The following CBFA2T3 variants were observed in gnomAD, a reference collection of about 807,000 sequenced individuals.
The protein encoded by CBFA2T3 is CBFA2/RUNX1 partner transcriptional co-repressor 3.
In CBFA2T3, 31 loss-of-function variants were observed where a neutral mutation model predicts 58.6. That is an observed-to-expected ratio of 0.53 (90% CI 0.40 to 0.71). CBFA2T3 has a LOEUF of 0.71. Ranked by LOEUF, CBFA2T3 falls within the 30% of genes least tolerant of loss-of-function variation. The pLI is 0.00. For synonymous variants in CBFA2T3, 531 were observed against 421.9 expected, an observed-to-expected ratio of 1.26 and a Z score of -3.17; for missense variants, 1,076 against 963.1, an observed-to-expected ratio of 1.12 and a Z score of -1.55.
At chr16:88,889,415 G>C (rs1394771530) in intron 5 of CBFA2T3, among the ~76,000 whole-genome samples, 1 of 138,710 alleles carries the variant, frequency 7.2e-6, no homozygotes, top group Non-Finnish European at 1.6e-5. Flanking sequence ...GCGGGAGGGA[G>C]GGAGCGAGGG....
At position 88,953,163 on chromosome 16, in the gene CBFA2T3, C is replaced by T. The variant is rs150871064; in HGVS notation, c.151+23494G>A. Among the ~76,000 whole-genome samples the T allele has an allele frequency of 7.2e-5, 11 of 152,168 alleles. No homozygotes were observed. Among genetic ancestry groups the T allele is most frequent in the South Asian group, 2.1e-4 (1 of 4,822 alleles). ...ACAGAGGAGGAGGAATGAGGAGTGC[C>T]GTGCCTGGGCTGGGCCATCGCCTCT... is the stretch of plus-strand genomic sequence containing the variant. On this transcript the variant is annotated intron_variant, in intron 1 of 11. Coordinates refer to ENST00000268679, the MANE Select transcript of CBFA2T3 (RefSeq NM_005187.6). The surrounding 1 kb of genome is among the most constrained non-coding windows in gnomAD (Gnocchi z 4.9).
intron 1 of CBFA2T3, among the ~76,000 whole-genome samples, chr16:88,943,909 G>A (rs1345262503): frequency 1.3e-5 from 2 of 152,186 alleles, no homozygotes; most frequent in Non-Finnish European, 2.9e-5. Flanking sequence ...GACAGACCAC[G>A]GGCGAGCAGG....
intron 1 of CBFA2T3, among the ~76,000 whole-genome samples, chr16:88,973,893 C>T (rs114487230): frequency 2.8e-5 from 4 of 140,374 alleles, no homozygotes; most frequent in East Asian, 2.2e-4. Context: ...CCGCCTTGCC[C>T]GGTCCCCATA....
At chr16:88,903,969 G>A (rs1290824569) in intron 1 of CBFA2T3, among the ~76,000 whole-genome samples, 2 of 152,240 alleles carry the variant, frequency 1.3e-5, no homozygotes, top group African/African-American at 4.8e-5. Context: ...GGCGCTGGAC[G>A]GGCGCTCGTA....
chr16:88,922,925 A>C (rs1485504118), intron 1 of CBFA2T3, among the ~76,000 whole-genome samples: 1 of 152,210 alleles, frequency 6.6e-6, no homozygotes, highest in Non-Finnish European at 1.5e-5. Flanking sequence ...CCCACCGTAC[A>C]GATGGGGCAG....
intron 2 of CBFA2T3, among the ~76,000 whole-genome samples, chr16:88,900,842 C>A (rs1299382652): frequency 6.6e-6 from 1 of 152,266 alleles, no homozygotes; most frequent in Non-Finnish European, 1.5e-5. Flanking sequence ...CACAGCCTCC[C>A]AGGGCCCACC....
chr16:88,886,281 C>T, intron 5 of CBFA2T3, 139 bp from the exon 6 acceptor site: 1 of 513,302 alleles, frequency 1.9e-6, no homozygotes, highest in Non-Finnish European at 3.3e-6. Context: ...CTCGACCTCT[C>T]TGGGCCTCAA....
chr16:88,895,194 C>T (rs1446167898), intron 3 of CBFA2T3, among the ~76,000 whole-genome samples: 2 of 152,214 alleles, frequency 1.3e-5, no homozygotes, highest in Non-Finnish European at 2.9e-5. Context: ...CCGCACCCTC[C>T]AGAGGGCACT....
chr16:88,898,176 C>G, intron 2 of CBFA2T3, 24 bp from the exon 3 acceptor site: 1 of 1,588,388 alleles, frequency 6.3e-7, no homozygotes, highest in Non-Finnish European at 8.6e-7. Flanking sequence ...AAGAAGAACA[C>G]GCTGTCAGGA....
intron 1 of CBFA2T3, among the ~76,000 whole-genome samples, chr16:88,935,278 G>C (rs1971461136): frequency 6.6e-6 from 1 of 152,192 alleles, no homozygotes. Flanking sequence ...GTACAGGCTG[G>C]GCTGGACTAG....
chr16:88,888,648 T>C (rs1438872376), intron 5 of CBFA2T3, among the ~76,000 whole-genome samples: 1 of 99,614 alleles, frequency 1.0e-5, no homozygotes, highest in Non-Finnish European at 2.2e-5. Context: ...ACAGTGACAG[T>C]AGGGCCAGGG....
At chr16:88,903,684 G>A (rs1452419213) in intron 1 of CBFA2T3, among the ~76,000 whole-genome samples, 1 of 106,820 alleles carries the variant, frequency 9.4e-6, no homozygotes, top group African/African-American at 3.8e-5. Context: ...TCCTGGGGGG[G>A]CATTCCTGGG....
chr16:88,889,765 CTCCTCCTCCAGGGACGACGCCACGCGAT>C (rs1969548835), intron 5 of CBFA2T3, among the ~76,000 whole-genome samples: 1 of 149,370 alleles, frequency 6.7e-6, no homozygotes, highest in Admixed American at 6.7e-5. Flanking sequence ...CCCGCGATTC[CTCCTCCTCCAGGGACGACGCCACGCGAT>C]TCCTCCTCCT....
intron 1 of CBFA2T3, among the ~76,000 whole-genome samples, chr16:88,931,013 T>C (rs921409085): frequency 2.0e-5 from 3 of 151,946 alleles, no homozygotes; most frequent in African/African-American, 4.8e-5. Flanking sequence ...ATAAACGTTA[T>C]GTGTATTTTC....
intron 5 of CBFA2T3, among the ~76,000 whole-genome samples, chr16:88,890,795 C>A (rs1250105486): frequency 1.3e-5 from 2 of 152,192 alleles, no homozygotes; most frequent in Non-Finnish European, 2.9e-5. Context: ...CAGCTCACTG[C>A]AGTCTCGACC....
At chr16:88,896,167 G>A (rs368207665) in intron 3 of CBFA2T3, among the ~76,000 whole-genome samples, 28 of 152,262 alleles carry the variant, frequency 1.8e-4, no homozygotes, top group East Asian at 1.5e-3. Flanking sequence ...ACCACTAATC[G>A]CAGGTCAGAT....
At chr16:88,956,968 CACCCGGAG>C (rs879540143) in intron 1 of CBFA2T3, among the ~76,000 whole-genome samples, 4,283 of 150,926 alleles carry the variant, frequency 0.028, 91 homozygotes, top group African/African-American at 0.055. Flanking sequence ...AGAAGTGGCT[CACCCGGAG>C]ACTGCGGCAG....
chr16:88,936,644 G>A (rs999529785), intron 1 of CBFA2T3: 1 of 152,508 alleles, frequency 6.6e-6, no homozygotes, highest in Non-Finnish European at 1.5e-5. Context: ...GCAGTGCGGG[G>A]TGAGCTGCCG....
chr16:88,929,205 A>G (rs1201851356), intron 1 of CBFA2T3, among the ~76,000 whole-genome samples: 1 of 152,142 alleles, frequency 6.6e-6, no homozygotes, highest in Non-Finnish European at 1.5e-5. Flanking sequence ...CAAACAGGAC[A>G]GCAGCTTGCA....
Sources: gnomAD v4.1 joint callset for allele counts (sites outside exome capture counted in the v4.1 genomes callset) on GRCh38, gnomAD v4.1.1 for gene constraint, Gnocchi (gnomAD v3.1) non-coding constraint, MANE v1.5 for transcripts, NCBI Gene and HGNC (gene_info 2026-07-23, HGNC 2026-07-21) for gene names.